The following SNX29 variants were observed in gnomAD, a reference collection of about 807,000 sequenced individuals.
SNX29 encodes sorting nexin-29.
Under a neutral mutation model 102.1 loss-of-function variants are expected in SNX29, and 78 were observed. That is an observed-to-expected ratio of 0.76 (90% CI 0.64 to 0.92). The LOEUF is 0.92. SNX29 is among the 40% of genes least tolerant of loss of function. The pLI, the probability that SNX29 is intolerant of heterozygous loss-of-function variation, is 0.00. For missense variants in SNX29, 1,280 were observed against 1,061.7 expected, an observed-to-expected ratio of 1.21 and a Z score of -2.86; for synonymous variants, 580 against 414.5, an observed-to-expected ratio of 1.40 and a Z score of -4.85.
chr16:12,048,671 G>A (rs770764838), intron 7 of SNX29, 51 bp downstream of exon 7: 20 of 1,613,736 alleles, frequency 1.2e-5, no homozygotes, highest in Admixed American at 1.0e-4. Context: ...AGAATGTGGC[G>A]GATGGGGTGG....
intron 14 of SNX29, among the ~76,000 whole-genome samples, chr16:12,223,599 G>A (rs2077533753): frequency 6.6e-6 from 1 of 152,244 alleles, no homozygotes; most frequent in Non-Finnish European, 1.5e-5. Flanking sequence ...AGGAGATGGA[G>A]GTTGCAGTGA....
chr16:12,092,119 C>A (rs1480023954), intron 11 of SNX29, among the ~76,000 whole-genome samples: 1 of 152,184 alleles, frequency 6.6e-6, no homozygotes, highest in East Asian at 1.9e-4. Context: ...CTGCTGACTT[C>A]AGGTTTCAGA....
In SNX29 at chr16:12,044,106, C is replaced by T. The variant is rs941452124; in HGVS notation, c.428+1029C>T. Among the ~76,000 whole-genome samples, 5 of 152,156 alleles carry T rather than the reference C, an allele frequency of 3.3e-5. No homozygotes were observed. In the East Asian group the frequency reaches 5.8e-4, roughly 18 times the overall value. On this transcript the variant is annotated intron_variant, in intron 5 of 20. Transcript: ENST00000566228. ...GTGGACTAGACATGTTGTTTTGTGT[C>T]CTTGAGTGATACGGAGCGACACTGA...
At chr16:12,357,888 A>G (rs1262009389) in intron 16 of SNX29, among the ~76,000 whole-genome samples, 1 of 152,184 alleles carries the variant, frequency 6.6e-6, no homozygotes, top group East Asian at 1.9e-4. Context: ...TGCTGATGGT[A>G]TCTCTGTAGT....
chr16:12,222,546 G>C (rs908189008), intron 14 of SNX29, among the ~76,000 whole-genome samples: 2 of 152,094 alleles, frequency 1.3e-5, no homozygotes, highest in African/African-American at 4.8e-5. Context: ...TTCATATCTG[G>C]GTGAAGCTTC....
chr16:12,434,701 C>G (rs1354205417), intron 18 of SNX29, among the ~76,000 whole-genome samples: 1 of 152,134 alleles, frequency 6.6e-6, no homozygotes, highest in East Asian at 1.9e-4. Context: ...CTTCCTGCAT[C>G]TGACACCGAA....
chr16:12,086,491 G>A (rs1003313675), intron 11 of SNX29, among the ~76,000 whole-genome samples: 1 of 151,850 alleles, frequency 6.6e-6, no homozygotes, highest in South Asian at 2.1e-4. Flanking sequence ...GCTTACTGCA[G>A]CCTTGAACTC....
At chr16:12,461,579 C>G (rs1004957773) in intron 18 of SNX29, among the ~76,000 whole-genome samples, 1 of 152,264 alleles carries the variant, frequency 6.6e-6, no homozygotes, top group East Asian at 1.9e-4. Flanking sequence ...CCATCCGTCA[C>G]AGCAATTCTG....
chr16:12,159,883 A>G (rs112470841), intron 13 of SNX29, among the ~76,000 whole-genome samples: 2,735 of 152,212 alleles, frequency 0.018, 84 homozygotes, highest in African/African-American at 0.063. Context: ...TTACTAATCA[A>G]TCACTGCACT....
chr16:12,445,323 C>T (rs1216848959), intron 18 of SNX29, among the ~76,000 whole-genome samples: 4 of 152,172 alleles, frequency 2.6e-5, no homozygotes, highest in East Asian at 1.9e-4. Flanking sequence ...CTGCAGAAGA[C>T]GTTTGCTGAG....
At chr16:12,557,569 C>T (rs186965427) in intron 20 of SNX29, 1 of 152,172 alleles carries the variant, frequency 6.6e-6, no homozygotes, top group African/African-American at 2.4e-5. Context: ...ACTATGTTGG[C>T]TAGGCTGATC....
chr16:12,192,600 C>G (rs957543341), intron 13 of SNX29, among the ~76,000 whole-genome samples: 2 of 152,270 alleles, frequency 1.3e-5, no homozygotes, highest in Non-Finnish European at 2.9e-5. Flanking sequence ...CAGCCTGCAA[C>G]TCCTGTGCTC....
At chr16:12,465,257 C>A (rs959289539) in intron 18 of SNX29, among the ~76,000 whole-genome samples, 1 of 148,030 alleles carries the variant, frequency 6.8e-6, no homozygotes, top group African/African-American at 2.6e-5. Flanking sequence ...CTTATATTGC[C>A]TGTGCTTTGG....
intron 16 of SNX29, among the ~76,000 whole-genome samples, chr16:12,364,044 G>C (rs185652681): frequency 6.6e-6 from 1 of 152,064 alleles, no homozygotes; most frequent in African/African-American, 2.4e-5. Flanking sequence ...CCAGGCTGGA[G>C]TGCAGTGGCA....
chr16:12,400,429 A>T (rs1219784443), intron 17 of SNX29, among the ~76,000 whole-genome samples: 1 of 152,100 alleles, frequency 6.6e-6, no homozygotes, highest in Non-Finnish European at 1.5e-5. Flanking sequence ...GTGTCTCCTC[A>T]CGGATGATGA....
intron 14 of SNX29, among the ~76,000 whole-genome samples, chr16:12,258,611 C>G (rs1450254379): frequency 6.6e-6 from 1 of 152,184 alleles, no homozygotes; most frequent in Admixed American, 6.5e-5. Flanking sequence ...CCACAGGTCC[C>G]AGGGCCCTGA....
intron 5 of SNX29, among the ~76,000 whole-genome samples, chr16:12,045,914 G>A (rs868151301): frequency 1.3e-5 from 2 of 151,974 alleles, no homozygotes; most frequent in Non-Finnish European, 1.5e-5. Flanking sequence ...GTGAGCCACC[G>A]TGCCTGGCCA....
chr16:12,435,720 G>A (rs186585706), intron 18 of SNX29, among the ~76,000 whole-genome samples: 64 of 152,316 alleles, frequency 4.2e-4, no homozygotes, highest in Admixed American at 8.5e-4. Context: ...TTTGCTCCTA[G>A]AAGGCCCCAG....
intron 15 of SNX29, among the ~76,000 whole-genome samples, chr16:12,338,067 C>G (rs137957506): frequency 6.6e-5 from 10 of 152,204 alleles, no homozygotes; most frequent in Admixed American, 4.6e-4. Flanking sequence ...ATCCTGGAAC[C>G]GGTGTTTGGC....
Sources: allele counts gnomAD v4.1 joint callset (sites outside exome capture counted in the v4.1 genomes callset), GRCh38; gene constraint gnomAD v4.1.1; transcripts MANE v1.5; gene names NCBI Gene and HGNC (gene_info 2026-07-23, HGNC 2026-07-21).